SGK3: variants seen among roughly 807,000 people sequenced by gnomAD.
SGK3 encodes the protein serine/threonine-protein kinase Sgk3.
A neutral mutation model predicts 68.5 loss-of-function variants in SGK3; 47 were observed. The ratio of observed to expected loss-of-function variants is 0.69; its 90% CI spans 0.54 to 0.87. The LOEUF (loss-of-function observed/expected upper bound fraction) is 0.87. SGK3 is among the 40% of genes least tolerant of loss of function. The pLI is 0.00. For synonymous variants in SGK3, 181 were observed against 189.1 expected (o/e 0.96, Z 0.35); for missense variants, 479 against 575.5 (o/e 0.83, Z 1.72).
At chr8:66,754,766 T>C (rs1397758645) in intron 1 of SGK3, among the ~76,000 whole-genome samples, 1 of 152,274 alleles carries the variant, frequency 6.6e-6, no homozygotes, top group Non-Finnish European at 1.5e-5. Context: ...GTGGTCGATC[T>C]GTACTTGTTT....
rs57518205 is a variant in SGK3 at position 66,859,333 on chromosome 8, C to CAAAT, written c.1321-62_1321-59dup. 3.0e-3 allele frequency: 4,266 copies of CAAAT among 1,407,290 alleles called. 98 individuals carry two copies. The African/African-American group carries it at 0.053, about 17-fold the overall frequency. The allele number at this position is 1,407,290 out of a possible 1,614,324, so 87.2% of individuals were successfully genotyped here. A position where few individuals can be genotyped will look rare whatever the true frequency, so the allele number is the denominator to read the frequency against. On this transcript the variant is annotated intron_variant, in intron 16 of 16. Transcript: ENST00000521198. ...CAGGTGGCAGTGTGAGACTCTGTCT[C>CAAAT]AAATAAATAAATAAATAAAGGATTA... is the stretch of plus-strand genomic sequence containing the variant.
intron 1 of SGK3, among the ~76,000 whole-genome samples, chr8:66,719,724 T>C (rs1378877795): frequency 6.6e-6 from 1 of 152,230 alleles, no homozygotes; most frequent in Non-Finnish European, 1.5e-5. Flanking sequence ...CAATTTTCTG[T>C]TATTTCTGTT....
At chr8:66,817,672 T>A (rs1808650262) in intron 5 of SGK3, among the ~76,000 whole-genome samples, 1 of 152,114 alleles carries the variant, frequency 6.6e-6, no homozygotes, top group South Asian at 2.1e-4. Flanking sequence ...ATTTTTAAGA[T>A]TACTTTATTA....
chr8:66,852,277 CTTTT>C (rs1204346785), intron 16 of SGK3, among the ~76,000 whole-genome samples: 1 of 107,198 alleles, frequency 9.3e-6, no homozygotes, highest in African/African-American at 3.8e-5. Context: ...TTAAGGAATC[CTTTT>C]TTTTTTTTTT....
intron 5 of SGK3, among the ~76,000 whole-genome samples, chr8:66,814,744 TA>T (rs1450432327): frequency 2.0e-5 from 3 of 152,188 alleles, no homozygotes; most frequent in African/African-American, 7.2e-5. Flanking sequence ...CGGACAGGTT[TA>T]AACTTCTTTC....
chr8:66,733,791 A>T (rs962332469), intron 1 of SGK3, among the ~76,000 whole-genome samples: 2 of 152,208 alleles, frequency 1.3e-5, no homozygotes, highest in Non-Finnish European at 1.5e-5. Flanking sequence ...CAACTTTTTC[A>T]ATTTTAACTA....
At chr8:66,714,007 A>G (rs1804567242) in intron 1 of SGK3, among the ~76,000 whole-genome samples, 1 of 152,214 alleles carries the variant, frequency 6.6e-6, no homozygotes, top group Non-Finnish European at 1.5e-5. Context: ...CTTGTGTAAC[A>G]TGGTCTCTTT....
intron 1 of SGK3, among the ~76,000 whole-genome samples, chr8:66,746,868 A>G (rs1805669442): frequency 1.3e-5 from 2 of 152,028 alleles, no homozygotes; most frequent in Non-Finnish European, 2.9e-5. Flanking sequence ...CCTAAAAAAT[A>G]TATATTTTTT....
chr8:66,746,552 T>A (rs1180465285), intron 1 of SGK3, among the ~76,000 whole-genome samples: 1 of 151,730 alleles, frequency 6.6e-6, no homozygotes, highest in African/African-American at 2.4e-5. Flanking sequence ...CAAGATCCTG[T>A]CTCTACATTT....
At chr8:66,724,992 C>T (rs1227183616) in intron 1 of SGK3, among the ~76,000 whole-genome samples, 4 of 151,988 alleles carry the variant, frequency 2.6e-5, no homozygotes, top group Non-Finnish European at 5.9e-5. Context: ...TTTGGGAGGC[C>T]GAGGCGGGCG....
intron 10 of SGK3, chr8:66,839,722 C>T (rs530110439): frequency 1.0e-4 from 29 of 285,228 alleles, no homozygotes; most frequent in African/African-American, 6.4e-4. Flanking sequence ...AGAACAGTTG[C>T]CTGGAAGGGT....
intron 1 of SGK3, among the ~76,000 whole-genome samples, chr8:66,787,265 A>G (rs576202902): frequency 2.2e-4 from 33 of 152,206 alleles, no homozygotes; most frequent in South Asian, 4.1e-4. Context: ...TTTATTGCCT[A>G]GTGCATGATG....
intron 1 of SGK3, among the ~76,000 whole-genome samples, chr8:66,764,374 G>A (rs1030778931): frequency 3.3e-5 from 5 of 152,072 alleles, no homozygotes; most frequent in African/African-American, 7.2e-5. Flanking sequence ...CATGTTAAAT[G>A]TTTCTGCTTT....
chr8:66,781,379 GCT>G (rs1219145011), intron 1 of SGK3, among the ~76,000 whole-genome samples: 1 of 152,172 alleles, frequency 6.6e-6, no homozygotes, highest in East Asian at 1.9e-4. Context: ...ACGGGGTCTA[GCT>G]CTGTCACTCA....
chr8:66,715,757 G>A (rs1443526801), intron 1 of SGK3, among the ~76,000 whole-genome samples: 1 of 152,174 alleles, frequency 6.6e-6, no homozygotes, highest in African/African-American at 2.4e-5. Context: ...CCTAAAGTAT[G>A]TGATTTCCAG....
intron 1 of SGK3, among the ~76,000 whole-genome samples, chr8:66,779,561 AATAT>A (rs200618083): frequency 0.15 from 13,176 of 89,032 alleles, 785 homozygotes; most frequent in Middle Eastern, 0.21. Context: ...TATGTGTGTG[AATAT>A]ATATATATAT....
intron 1 of SGK3, among the ~76,000 whole-genome samples, chr8:66,717,746 C>T (rs991294858): frequency 6.6e-6 from 1 of 151,006 alleles, no homozygotes; most frequent in Non-Finnish European, 1.5e-5. Flanking sequence ...CTGTCTTGCC[C>T]GGGCTGGAGT....
rs1455110122 is a variant in SGK3 at position 66,723,120 on chromosome 8, TATATATATATA to T, written c.-122+10288_-122+10298del. 2.5e-3 allele frequency among the ~76,000 whole-genome samples: 138 copies of T among 55,564 alleles called. 2 individuals are homozygous for T. Among genetic ancestry groups the T allele is most frequent in the Middle Eastern group, 6.0e-3 (1 of 168 alleles). 36.5% of individuals were successfully genotyped at this position (55,564 alleles called of 152,430 possible). Reference sequence around the variant, plus strand: ...ATATATATATATATATATATATATATATATATATATATTTTTTTTTTTTTTTTTTTTTGTAA... The same window carrying T: ...ATATATATATATATATATATATATATTTTTTTTTTTTTTTTTTTTTTGTAA... On this transcript the variant is annotated intron_variant, in intron 1 of 16. Coordinates refer to ENST00000521198, the MANE Select transcript of SGK3 (RefSeq NM_001033578.3).
Position 66,767,511 on chromosome 8 carries a change from T to C in SGK3, c.-121-26105T>C, listed in dbSNP as rs545941089. 117 of 1,511,630 alleles carry C rather than the reference T, an allele frequency of 7.7e-5. 1 individual carries two copies. In the South Asian group the frequency reaches 1.3e-3, roughly 17 times the overall value. 93.6% of individuals were successfully genotyped at this position (1,511,630 alleles called of 1,614,324 possible). On this transcript the variant is annotated intron_variant, in intron 1 of 16. Coordinates refer to ENST00000521198, the MANE Select transcript of SGK3 (RefSeq NM_001033578.3). Reference sequence around the variant, plus strand: ...ATGGTGGAGAGGGCATCTTCAAAGGTGAAGGGGGGCCCAGCTGAAACAGCT... The same window carrying C: ...ATGGTGGAGAGGGCATCTTCAAAGGCGAAGGGGGGCCCAGCTGAAACAGCT...
Sources: allele counts gnomAD v4.1 joint callset (sites outside exome capture counted in the v4.1 genomes callset), GRCh38; gene constraint gnomAD v4.1.1; transcripts MANE v1.5; gene names NCBI Gene and HGNC (gene_info 2026-07-23, HGNC 2026-07-21).